PRH1: variants seen among roughly 807,000 people sequenced by gnomAD.
PRH1 encodes the protein proline rich protein HaeIII subfamily 1.
In PRH1, 7 loss-of-function variants were observed where a neutral mutation model predicts 7.9. The observed-to-expected ratio is 0.89, with a 90% CI of 0.50 to 1.67. PRH1 has a LOEUF of 1.67. PRH1 is among the 40% of genes most tolerant of loss of function. The pLI is 0.00. For synonymous variants in PRH1, 45 were observed against 80.8 expected, an observed-to-expected ratio of 0.56 and a Z score of 2.38; for missense variants, 109 against 223.6, an observed-to-expected ratio of 0.49 and a Z score of 3.27.
chr12:10,904,977 C>T (rs756172760), intron 2 of PRH1, among the ~76,000 whole-genome samples: 5 of 150,184 alleles, frequency 3.3e-5, no homozygotes, highest in Non-Finnish European at 4.4e-5. Context: ...AAAGAGATAC[C>T]ATCTCACACC....
At chr12:11,139,245 T>G (rs963210533) in intron 1 of PRH1, among the ~76,000 whole-genome samples, 2 of 152,108 alleles carry the variant, frequency 1.3e-5, no homozygotes, top group African/African-American at 4.8e-5. Context: ...TAATAAAACC[T>G]AAAAACAGTA....
At chr12:10,939,724 C>T (rs528835414) in intron 2 of PRH1, among the ~76,000 whole-genome samples, 2 of 151,836 alleles carry the variant, frequency 1.3e-5, no homozygotes, top group Non-Finnish European at 2.9e-5. Flanking sequence ...TTTACAGAAC[C>T]TCAGTTAGAC....
intron 2 of PRH1, among the ~76,000 whole-genome samples, chr12:10,893,626 A>G (rs1949606549): frequency 6.6e-6 from 1 of 152,174 alleles, no homozygotes; most frequent in Admixed American, 6.5e-5. Flanking sequence ...TTCTCTGGAT[A>G]TTTTAATTTT....
chr12:11,104,742 C>CAT (rs1259418444), intron 1 of PRH1, among the ~76,000 whole-genome samples: 1 of 151,764 alleles, frequency 6.6e-6, no homozygotes, highest in Admixed American at 6.6e-5. Context: ...CATACTCAGC[C>CAT]GAAATGATGG....
chr12:10,993,808 C>T (rs983582205), intron 1 of PRH1, among the ~76,000 whole-genome samples: 1 of 152,132 alleles, frequency 6.6e-6, no homozygotes. Context: ...AGAATTCAAA[C>T]CCGCTAGAGG....
intron 2 of PRH1, among the ~76,000 whole-genome samples, chr12:10,903,931 C>CAAAAAAAACAA (rs1949760438): frequency 3.2e-5 from 1 of 31,106 alleles, no homozygotes; most frequent in African/African-American, 8.6e-5. Context: ...ACAATAGCCT[C>CAAAAAAAACAA]AAAAAAAAAA....
chr12:10,944,624 G>A (rs1380115838), intron 2 of PRH1, among the ~76,000 whole-genome samples: 2 of 152,208 alleles, frequency 1.3e-5, no homozygotes, highest in African/African-American at 2.4e-5. Flanking sequence ...AGAGGGAATC[G>A]TTTCCTGTTG....
intron 1 of PRH1, among the ~76,000 whole-genome samples, chr12:11,026,639 T>C (rs1016165049): frequency 6.7e-6 from 1 of 149,300 alleles, no homozygotes; most frequent in African/African-American, 2.4e-5. Context: ...CAGGGGATGG[T>C]AGTCCTTTCT....
Position 11,106,178 on chromosome 12 carries a change from G to C in PRH1, n.124-58990C>G, listed in dbSNP as rs1378496819. ...GATGGTCTCGATCTCCTGACCTCGT[G>C]ATCCGCCCGCCTCGGCCTCCCAAAG... On this transcript the variant is annotated intron_variant and non_coding_transcript_variant, in intron 1 of 4. Transcript: ENST00000541977. 8.5e-5 allele frequency among the ~76,000 whole-genome samples: 4 copies of C among 47,050 alleles called. 2 individuals carry two copies. Among genetic ancestry groups the C allele is most frequent in the Non-Finnish European group, 2.6e-4 (4 of 15,656 alleles). 30.9% of individuals were successfully genotyped at this position (47,050 alleles called of 152,430 possible).
At chr12:11,137,798 A>T (rs1312620950) in intron 1 of PRH1, among the ~76,000 whole-genome samples, 1 of 152,210 alleles carries the variant, frequency 6.6e-6, no homozygotes, top group Non-Finnish European at 1.5e-5. Context: ...TTATGTGTTT[A>T]AATATTTCAA....
intron 2 of PRH1, among the ~76,000 whole-genome samples, chr12:10,911,878 C>T (rs562241169): frequency 6.6e-6 from 1 of 152,114 alleles, no homozygotes; most frequent in Non-Finnish European, 1.5e-5. Context: ...TTATTTGCTC[C>T]TTTCTAATCA....
rs187193762 is a variant in PRH1, at chr12:11,075,448, A to G, written n.124-28260T>C. Among the ~76,000 whole-genome samples, 2 of 111,982 alleles carry G rather than the reference A, an allele frequency of 1.8e-5. 1 individual carries two copies. Among genetic ancestry groups the G allele is most frequent in the African/African-American group, 6.0e-5 (2 of 33,226 alleles). 73.5% of individuals were successfully genotyped at this position (111,982 alleles called of 152,430 possible). A position where few individuals can be genotyped will look rare whatever the true frequency, so the allele number is the denominator to read the frequency against. ...TCAGCAAAGCATTGAAGGCAGCATA[A>G]GTCATACTGAGGGAGAAAGAGATGT... On this transcript the variant is annotated intron_variant and non_coding_transcript_variant, in intron 1 of 4. Transcript: ENST00000541977.
intron 1 of PRH1, among the ~76,000 whole-genome samples, chr12:11,026,019 G>A (rs115085863): frequency 2.5e-3 from 139 of 55,164 alleles, no homozygotes; most frequent in African/African-American, 5.2e-3. Flanking sequence ...TTAAGATACC[G>A]GTGAGAACTT....
intron 2 of PRH1, among the ~76,000 whole-genome samples, chr12:10,947,985 G>T (rs115720357): frequency 0.02 from 3,012 of 152,268 alleles, 35 homozygotes; most frequent in South Asian, 0.031. Context: ...TAAGAACTCA[G>T]CTGACAGATC....
chr12:11,103,535 G>C (rs1026013670), intron 1 of PRH1, among the ~76,000 whole-genome samples: 1 of 129,400 alleles, frequency 7.7e-6, no homozygotes, highest in Non-Finnish European at 1.6e-5. Context: ...TCTGGGGCCT[G>C]TTGTGGGGTG....
intron 2 of PRH1, among the ~76,000 whole-genome samples, chr12:10,904,198 A>G (rs1262518731): frequency 6.6e-6 from 1 of 151,910 alleles, no homozygotes; most frequent in African/African-American, 2.4e-5. Flanking sequence ...TATAAAACCA[A>G]AAAAAGAGCC....
intron 1 of PRH1, among the ~76,000 whole-genome samples, chr12:11,057,277 C>T (rs1192432471): frequency 6.6e-6 from 1 of 152,236 alleles, no homozygotes; most frequent in African/African-American, 2.4e-5. Context: ...AGACTACAGG[C>T]ATGAGCCATC....
chr12:11,045,337 A>T lies in PRH1; in HGVS notation c.-126+1683T>A, dbSNP rs907039046. ...GTTACCAAAAAAAAAAAAAAATAGA[A>T]AGAATTAATAAGACCTACTATTTGA... is the stretch of plus-strand genomic sequence containing the variant. On this transcript the variant is annotated intron_variant, in intron 1 of 3. Coordinates refer to the PRH1 transcript ENST00000539853. 1.2e-4 allele frequency among the ~76,000 whole-genome samples: 19 copies of T among 152,126 alleles called. No homozygotes were observed. The South Asian group carries it at 3.3e-3, about 27-fold the overall frequency.
At chr12:10,900,954 C>G (rs1194303087) in intron 2 of PRH1, among the ~76,000 whole-genome samples, 1 of 152,156 alleles carries the variant, frequency 6.6e-6, no homozygotes, top group Non-Finnish European at 1.5e-5. Context: ...TGCTCCACAG[C>G]CAGGCAGAAC....
Sources: allele counts gnomAD v4.1 joint callset (sites outside exome capture counted in the v4.1 genomes callset), GRCh38; gene constraint gnomAD v4.1.1; transcripts MANE v1.5; gene names NCBI Gene and HGNC (gene_info 2026-07-23, HGNC 2026-07-21).